The following MACROD2 variants were observed in gnomAD, a reference collection of about 807,000 sequenced individuals.
The protein encoded by MACROD2 is ADP-ribose glycohydrolase MACROD2.
In MACROD2, 36 loss-of-function variants were observed where a neutral mutation model predicts 70.4. That is an observed-to-expected ratio of 0.51 (90% CI 0.39 to 0.68). The LOEUF (loss-of-function observed/expected upper bound fraction) is 0.68. Among genes scored for constraint, MACROD2 ranks in the 30% least tolerant of loss-of-function variants. The pLI is 0.00. For synonymous variants in MACROD2, 172 were observed against 178.8 expected, an observed-to-expected ratio of 0.96 and a Z score of 0.30; for missense variants, 496 against 538.4, an observed-to-expected ratio of 0.92 and a Z score of 0.78.
chr20:15,937,267 T>C (rs1053849555), intron 11 of MACROD2, among the ~76,000 whole-genome samples: 3 of 152,136 alleles, frequency 2.0e-5, no homozygotes, highest in Admixed American at 6.6e-5. Flanking sequence ...AGCCCATTGG[T>C]CTCTGACTTA....
At chr20:15,915,130 C>T (rs774267310) in intron 10 of MACROD2, among the ~76,000 whole-genome samples, 4 of 152,008 alleles carry the variant, frequency 2.6e-5, no homozygotes, top group Non-Finnish European at 5.9e-5. Flanking sequence ...ATGGAGGTTC[C>T]GTGACATTGG....
At chr20:14,474,877 T>A (rs2084572943) in intron 3 of MACROD2, among the ~76,000 whole-genome samples, 1 of 152,168 alleles carries the variant, frequency 6.6e-6, no homozygotes, top group Non-Finnish European at 1.5e-5. Flanking sequence ...TAAAGTGAGT[T>A]TCTTGTAGGC....
At chr20:15,575,039 A>C (rs765614939) in intron 8 of MACROD2, among the ~76,000 whole-genome samples, 1 of 152,200 alleles carries the variant, frequency 6.6e-6, no homozygotes, top group African/African-American at 2.4e-5. Context: ...ATAAGCTCAA[A>C]GTTAATTTTA....
At chr20:14,519,512 A>G (rs1312647958) in intron 4 of MACROD2, among the ~76,000 whole-genome samples, 2 of 152,198 alleles carry the variant, frequency 1.3e-5, no homozygotes, top group African/African-American at 2.4e-5. Context: ...GAAAGCCACA[A>G]TGAGATACCA....
chr20:15,394,663 C>G (rs1215321922), intron 6 of MACROD2, among the ~76,000 whole-genome samples: 2 of 152,146 alleles, frequency 1.3e-5, no homozygotes, highest in Non-Finnish European at 2.9e-5. Flanking sequence ...TAGCTCAGGT[C>G]TTAATAGTCA....
At chr20:15,310,609 G>T (rs945517784) in intron 6 of MACROD2, among the ~76,000 whole-genome samples, 6 of 152,162 alleles carry the variant, frequency 3.9e-5, no homozygotes, top group African/African-American at 1.4e-4. Flanking sequence ...CATTCAGGAA[G>T]TGAGGATTGA....
intron 5 of MACROD2, among the ~76,000 whole-genome samples, chr20:15,100,833 T>TA (rs1185776204): frequency 1.3e-5 from 2 of 152,082 alleles, no homozygotes; most frequent in Non-Finnish European, 2.9e-5. Context: ...ACTTAAAATA[T>TA]AAAAAAGAAA....
intron 4 of MACROD2, among the ~76,000 whole-genome samples, chr20:14,658,122 G>T (rs919684989): frequency 2.0e-5 from 3 of 151,908 alleles, no homozygotes; most frequent in Non-Finnish European, 4.4e-5. Flanking sequence ...CTTCTAAGAT[G>T]ATGAGGGAAA....
intron 3 of MACROD2, among the ~76,000 whole-genome samples, chr20:14,463,899 G>A (rs995153594): frequency 2.0e-5 from 3 of 151,946 alleles, no homozygotes; most frequent in Admixed American, 2.0e-4. Context: ...AGATCATGGT[G>A]GATAAGCTTT....
chr20:15,723,772 G>A (rs2050822121), intron 8 of MACROD2, among the ~76,000 whole-genome samples: 1 of 152,120 alleles, frequency 6.6e-6, no homozygotes, highest in African/African-American at 2.4e-5. Context: ...GTTTTTGGAG[G>A]ACATAGGTTT....
chr20:14,809,414 C>A (rs1010388749), intron 5 of MACROD2, among the ~76,000 whole-genome samples: 1 of 152,054 alleles, frequency 6.6e-6, no homozygotes, highest in African/African-American at 2.4e-5. Context: ...ATACCAGAAT[C>A]TCTGGGACAC....
intron 8 of MACROD2, among the ~76,000 whole-genome samples, chr20:15,737,405 C>A (rs1372297511): frequency 2.0e-5 from 3 of 152,202 alleles, no homozygotes; most frequent in African/African-American, 7.2e-5. Context: ...TTATTAAACA[C>A]CCTTATTCAA....
intron 5 of MACROD2, among the ~76,000 whole-genome samples, chr20:15,112,573 C>T (rs6131639): frequency 6.6e-6 from 1 of 152,004 alleles, no homozygotes; most frequent in East Asian, 1.9e-4. Flanking sequence ...ATGGTAAAAC[C>T]CAGACTGGAA....
rs568408715 is a variant in MACROD2 at position 15,710,306 on chromosome 20, C to A, written c.646-152439C>A. Among the ~76,000 whole-genome samples, 3 of 151,688 alleles carry A rather than the reference C, an allele frequency of 2.0e-5. No individual in the cohort carries two copies. The South Asian group carries it at 6.3e-4, about 32-fold the overall frequency. On this transcript the variant is annotated intron_variant, in intron 8 of 17. Coordinates refer to ENST00000684519, the MANE Select transcript of MACROD2 (RefSeq NM_001351661.2). ...CATTATAAAGAATAATATTGAGGTT[C>A]CTCAAAAAACTACAAGTCTAGATGG...
At chr20:14,999,385 G>A (rs866935295) in intron 5 of MACROD2, among the ~76,000 whole-genome samples, 7 of 152,326 alleles carry the variant, frequency 4.6e-5, no homozygotes, top group African/African-American at 1.7e-4. Context: ...TAGGCCAGGT[G>A]CCATGACTCA....
intron 4 of MACROD2, among the ~76,000 whole-genome samples, chr20:14,551,522 A>G (rs1227353738): frequency 6.6e-6 from 1 of 152,196 alleles, no homozygotes; most frequent in African/African-American, 2.4e-5. Context: ...TATTGACAAT[A>G]TATTTTTGTT....
chr20:15,760,189 G>T (rs1568545481), intron 8 of MACROD2, among the ~76,000 whole-genome samples: 1 of 152,336 alleles, frequency 6.6e-6, no homozygotes, highest in East Asian at 1.9e-4. Flanking sequence ...CGTGAGGAGT[G>T]TCTCGGCTTC....
intron 3 of MACROD2, among the ~76,000 whole-genome samples, chr20:14,428,967 A>T (rs940239138): frequency 6.6e-6 from 1 of 152,130 alleles, no homozygotes; most frequent in South Asian, 2.1e-4. Flanking sequence ...GAAGTCTAAT[A>T]TTGTCCTGTT....
chr20:14,994,958 G>A (rs1364613518), intron 5 of MACROD2, among the ~76,000 whole-genome samples: 1 of 151,998 alleles, frequency 6.6e-6, no homozygotes, highest in Non-Finnish European at 1.5e-5. Context: ...AGGCAACACA[G>A]TGAGACTTTG....
Sources: gnomAD v4.1 joint callset for allele counts (sites outside exome capture counted in the v4.1 genomes callset) on GRCh38, gnomAD v4.1.1 for gene constraint, MANE v1.5 for transcripts, NCBI Gene and HGNC (gene_info 2026-07-23, HGNC 2026-07-21) for gene names.